The following PARD3B variants were observed in gnomAD, a reference collection of about 807,000 sequenced individuals.
The protein encoded by PARD3B is partitioning defective 3 homolog B.
Under a neutral mutation model 130.2 loss-of-function variants are expected in PARD3B, and 103 were observed. That is an observed-to-expected ratio of 0.79 (90% confidence interval 0.67 to 0.93). The LOEUF is 0.93. Ranked by LOEUF, PARD3B falls within the 40% of genes least tolerant of loss-of-function variation. The pLI is 0.00. For missense variants in PARD3B, 1,609 were observed against 1,499.2 expected (o/e 1.07, Z -1.21); for synonymous variants, 583 against 553.2 (o/e 1.05, Z -0.76).
intron 15 of PARD3B, among the ~76,000 whole-genome samples, chr2:205,234,892 A>C (rs1403662541): frequency 6.6e-6 from 1 of 152,348 alleles, no homozygotes; most frequent in Middle Eastern, 3.4e-3. Flanking sequence ...AGAAATCTGG[A>C]AAATCTGCAA....
intron 22 of PARD3B, among the ~76,000 whole-genome samples, chr2:205,555,249 A>G (rs949671227): frequency 6.6e-6 from 1 of 152,192 alleles, no homozygotes; most frequent in Admixed American, 6.5e-5. Context: ...TTAAAATTCT[A>G]TAAATTTCAC....
At chr2:205,096,301 C>T (rs1238839094) in intron 4 of PARD3B, among the ~76,000 whole-genome samples, 2 of 152,100 alleles carry the variant, frequency 1.3e-5, no homozygotes, top group African/African-American at 2.4e-5. Flanking sequence ...TGTGTCTGGT[C>T]ACCAGACAAA....
chr2:204,809,989 T>G (rs1373573119), intron 2 of PARD3B, among the ~76,000 whole-genome samples: 1 of 152,212 alleles, frequency 6.6e-6, no homozygotes. Context: ...TATTGTATTC[T>G]TTTGGTGGCA....
At chr2:205,607,026 G>T (rs1575473509) in intron 22 of PARD3B, among the ~76,000 whole-genome samples, 1 of 152,162 alleles carries the variant, frequency 6.6e-6, no homozygotes, top group African/African-American at 2.4e-5. Context: ...AACGTTCAAG[G>T]TACTAGACCT....
At chr2:204,787,456 C>T (rs1007350140) in intron 2 of PARD3B, among the ~76,000 whole-genome samples, 2 of 152,104 alleles carry the variant, frequency 1.3e-5, no homozygotes, top group African/African-American at 4.8e-5. Context: ...GCACCATTGC[C>T]ACTGGAGGTG....
At chr2:205,448,884 C>T (rs1000561747) in intron 20 of PARD3B, among the ~76,000 whole-genome samples, 15 of 152,060 alleles carry the variant, frequency 9.9e-5, no homozygotes, top group Non-Finnish European at 1.8e-4. Flanking sequence ...AAAGGAATTA[C>T]GGTTGGGTGC....
chr2:204,758,832 C>A (rs144406113), intron 2 of PARD3B, among the ~76,000 whole-genome samples: 4 of 152,272 alleles, frequency 2.6e-5, no homozygotes, highest in Admixed American at 2.0e-4. Context: ...CAGTGAGATA[C>A]CATCTCAATC....
chr2:205,300,661 C>T lies in PARD3B; in HGVS notation c.2317C>T (p.Arg773Ter), dbSNP rs781428613. 9 of 1,613,832 alleles carry T rather than the reference C, an allele frequency of 5.6e-6. No individual in the cohort carries two copies. Among genetic ancestry groups the T allele is most frequent in the Admixed American group, 1.7e-5 (1 of 60,008 alleles). Residue 773 changes from arginine to a stop codon, truncating the protein, a stop_gained, in exon 17 of 23, where the codon CGA becomes TGA. Coordinates refer to ENST00000406610, the MANE Select transcript of PARD3B (RefSeq NM_001302769.2). LOFTEE classifies it high-confidence loss of function. This position sits in a 1 kb window ranked among gnomAD's most constrained non-coding sequence, Gnocchi z 4.1. Reference sequence around the variant, plus strand: ...TCACAGGCCCCGGCCGCACATGGTTCGAGGCCGAGGCTGCAATGAGAGCTT... The same window carrying T: ...TCACAGGCCCCGGCCGCACATGGTTTGAGGCCGAGGCTGCAATGAGAGCTT... ...PFHRPRPHMV[R>*]GRGCNESFRA...
At chr2:204,884,784 A>G (rs906280092) in intron 2 of PARD3B, among the ~76,000 whole-genome samples, 6 of 152,222 alleles carry the variant, frequency 3.9e-5, no homozygotes, top group African/African-American at 1.2e-4. Context: ...CTTGTGGTCC[A>G]TCCATGTCCC....
At chr2:205,613,861 A>G (rs1429671182) in intron 22 of PARD3B, among the ~76,000 whole-genome samples, 4 of 152,116 alleles carry the variant, frequency 2.6e-5, no homozygotes, top group Non-Finnish European at 5.9e-5. Flanking sequence ...TTTAACATCC[A>G]CCTCCACAGA....
At chr2:204,872,064 C>G (rs565991325) in intron 2 of PARD3B, among the ~76,000 whole-genome samples, 1 of 152,152 alleles carries the variant, frequency 6.6e-6, no homozygotes, top group African/African-American at 2.4e-5. Context: ...TACATATATA[C>G]CTATTCTTAA....
intron 1 of PARD3B, among the ~76,000 whole-genome samples, chr2:204,563,217 GTCTCTCTCTCTCTCTCTC>G (rs35536964): frequency 2.1e-3 from 179 of 86,642 alleles, no homozygotes; most frequent in African/African-American, 4.0e-3. Flanking sequence ...TCTTCCCGCT[GTCTCTCTCTCTCTCTCTC>G]TCTCTCTCTC....
chr2:205,285,359 T>A (rs2105851979), intron 16 of PARD3B, among the ~76,000 whole-genome samples: 1 of 152,264 alleles, frequency 6.6e-6, no homozygotes, highest in South Asian at 2.1e-4. Flanking sequence ...ACTGAGGCAA[T>A]ACCCACTCAG....
chr2:204,557,922 T>C (rs2031035792), intron 1 of PARD3B: 1 of 152,230 alleles, frequency 6.6e-6, no homozygotes, highest in African/African-American at 2.4e-5. Flanking sequence ...ATGCAGTCTC[T>C]TGTGTTTGAA....
At chr2:205,155,290 C>T (rs578142625) in intron 10 of PARD3B, among the ~76,000 whole-genome samples, 11 of 144,416 alleles carry the variant, frequency 7.6e-5, no homozygotes, top group African/African-American at 1.3e-4. Context: ...ATAGGGGCAG[C>T]GGCTCTATAG....
intron 2 of PARD3B, among the ~76,000 whole-genome samples, chr2:204,939,854 C>T (rs1411046067): frequency 6.6e-6 from 1 of 152,146 alleles, no homozygotes. Context: ...TATTATCACA[C>T]CATTATTTCT....
intron 1 of PARD3B, among the ~76,000 whole-genome samples, chr2:204,621,835 G>T (rs775257300): frequency 1.3e-4 from 20 of 152,172 alleles, no homozygotes; most frequent in Non-Finnish European, 2.6e-4. Context: ...TGATAAGGAA[G>T]ATCTTGTGGT....
intron 21 of PARD3B, among the ~76,000 whole-genome samples, chr2:205,518,040 G>A (rs575373370): frequency 1.3e-4 from 20 of 152,268 alleles, no homozygotes; most frequent in African/African-American, 3.6e-4. Flanking sequence ...ATGTGGTGAT[G>A]AGATGAATGT....
chr2:204,658,396 A>T (rs2035703122), intron 1 of PARD3B, among the ~76,000 whole-genome samples: 2 of 152,146 alleles, frequency 1.3e-5, no homozygotes. Flanking sequence ...ATACAAAAGG[A>T]TTATTAACTA....
Sources: gnomAD v4.1 joint callset for allele counts (sites outside exome capture counted in the v4.1 genomes callset) on GRCh38, gnomAD v4.1.1 for gene constraint, Gnocchi (gnomAD v3.1) non-coding constraint, MANE v1.5 for transcripts, NCBI Gene and HGNC (gene_info 2026-07-23, HGNC 2026-07-21) for gene names.